Variants in FSTL5 observed in about 807,000 individuals in gnomAD.
The protein encoded by FSTL5 is follistatin like 5.
Under a neutral mutation model 89.1 loss-of-function variants are expected in FSTL5, and 62 were observed. The ratio of observed to expected loss-of-function variants is 0.70; its 90% CI spans 0.57 to 0.86. The LOEUF (loss-of-function observed/expected upper bound fraction) is 0.86, where lower values mean the gene tolerates loss of function less well. FSTL5 is among the 40% of genes least tolerant of loss of function. The pLI, the probability that FSTL5 is intolerant of heterozygous loss-of-function variation, is 0.00. For synonymous variants in FSTL5, 383 were observed against 346.2 expected (o/e 1.11, Z -1.18); for missense variants, 1,057 against 1,001.6 (o/e 1.06, Z -0.75).
intron 3 of FSTL5, among the ~76,000 whole-genome samples, chr4:161,930,331 C>G (rs1180739651): frequency 6.6e-6 from 1 of 151,752 alleles, no homozygotes; most frequent in Non-Finnish European, 1.5e-5. Flanking sequence ...GTTTTCTTCC[C>G]CAAACCCCTC....
At chr4:161,575,292 G>A (rs1733169909) in intron 8 of FSTL5, among the ~76,000 whole-genome samples, 1 of 152,038 alleles carries the variant, frequency 6.6e-6, no homozygotes, top group African/African-American at 2.4e-5. Context: ...CCATTCTGTA[G>A]GTTGCCTGTT....
At chr4:161,850,487 T>G (rs1048401110) in intron 4 of FSTL5, among the ~76,000 whole-genome samples, 1 of 151,588 alleles carries the variant, frequency 6.6e-6, no homozygotes. Flanking sequence ...CTTGTGCATG[T>G]GCAGGTGTGC....
At chr4:161,707,654 AT>A (rs1245177821) in intron 6 of FSTL5, among the ~76,000 whole-genome samples, 1 of 151,884 alleles carries the variant, frequency 6.6e-6, no homozygotes, top group South Asian at 2.1e-4. Flanking sequence ...TGCCAAATGT[AT>A]TGATATACAC....
chr4:161,876,773 T>C (rs1732456102), intron 4 of FSTL5, among the ~76,000 whole-genome samples: 1 of 151,954 alleles, frequency 6.6e-6, no homozygotes, highest in Admixed American at 6.6e-5. Context: ...GAGGTTTTAT[T>C]TTATTTAATT....
chr4:161,996,179 T>C (rs1736288622), intron 3 of FSTL5, among the ~76,000 whole-genome samples: 1 of 152,178 alleles, frequency 6.6e-6, no homozygotes, highest in Non-Finnish European at 1.5e-5. Context: ...TTCAAAGACA[T>C]TAAGTAAATT....
intron 12 of FSTL5, among the ~76,000 whole-genome samples, chr4:161,490,033 G>A (rs1729809208): frequency 1.3e-5 from 2 of 151,876 alleles, no homozygotes; most frequent in Non-Finnish European, 2.9e-5. Context: ...CATATAAGTG[G>A]AAAACAGAGA....
chr4:162,022,346 T>C lies in FSTL5; in HGVS notation c.160+11279A>G, dbSNP rs137961102. 3.1e-3 allele frequency among the ~76,000 whole-genome samples: 474 copies of C among 152,012 alleles called. 4 individuals carry two copies. Among genetic ancestry groups the C allele is most frequent in the African/African-American group, 0.011 (451 of 41,506 alleles). On this transcript the variant is annotated intron_variant, in intron 3 of 15. Transcript: ENST00000306100. Reference sequence around the variant, plus strand: ...TGTCATACAATCTATAATATTGCATTTCATATATTAATATTGTATATTAAC... The same window carrying C: ...TGTCATACAATCTATAATATTGCATCTCATATATTAATATTGTATATTAAC...
At chr4:161,458,070 G>A (rs1222350717) in intron 14 of FSTL5, among the ~76,000 whole-genome samples, 1 of 152,118 alleles carries the variant, frequency 6.6e-6, no homozygotes, top group Non-Finnish European at 1.5e-5. Context: ...ACATGCAGGG[G>A]ACACAAGGCA....
At chr4:161,786,200 C>CA (rs1442530192) in intron 4 of FSTL5, among the ~76,000 whole-genome samples, 1 of 151,820 alleles carries the variant, frequency 6.6e-6, no homozygotes, top group African/African-American at 2.4e-5. Flanking sequence ...AACATAATAT[C>CA]AACATTCATA....
chr4:162,075,135 C>T (rs1729785499), intron 2 of FSTL5, among the ~76,000 whole-genome samples: 1 of 151,674 alleles, frequency 6.6e-6, no homozygotes, highest in Admixed American at 6.6e-5. Flanking sequence ...TGCTGAAGCC[C>T]CATGAAGACT....
chr4:161,504,361 C>T (rs906786158), intron 11 of FSTL5, among the ~76,000 whole-genome samples: 1 of 151,898 alleles, frequency 6.6e-6, no homozygotes, highest in Non-Finnish European at 1.5e-5. Context: ...TTACTTCTCT[C>T]TTCATGAATG....
intron 6 of FSTL5, among the ~76,000 whole-genome samples, chr4:161,691,448 G>C (rs1639860162): frequency 6.6e-6 from 1 of 151,950 alleles, no homozygotes; most frequent in African/African-American, 2.4e-5. Context: ...TTGCAGTTTT[G>C]AAATTGAGGC....
chr4:162,081,304 C>T (rs1363840623), intron 2 of FSTL5, among the ~76,000 whole-genome samples: 6 of 151,450 alleles, frequency 4.0e-5, no homozygotes, highest in Admixed American at 1.3e-4. Context: ...CACAGTGAAA[C>T]TAGGCGTTCA....
At chr4:161,550,350 T>C (rs923899946) in intron 8 of FSTL5, among the ~76,000 whole-genome samples, 5 of 151,866 alleles carry the variant, frequency 3.3e-5, no homozygotes, top group Non-Finnish European at 5.9e-5. Flanking sequence ...ACTACTTAAA[T>C]GAATTTTTTT....
intron 8 of FSTL5, among the ~76,000 whole-genome samples, chr4:161,584,114 A>C (rs1350490514): frequency 6.6e-6 from 1 of 152,192 alleles, no homozygotes; most frequent in African/African-American, 2.4e-5. Context: ...GCTTTCCCCA[A>C]CACACCAACT....
At chr4:162,150,261 G>A (rs1733175512) in intron 1 of FSTL5, among the ~76,000 whole-genome samples, 1 of 152,170 alleles carries the variant, frequency 6.6e-6, no homozygotes, top group Admixed American at 6.6e-5. Flanking sequence ...AAGCCACAGA[G>A]TTCTTAATAT....
intron 7 of FSTL5, among the ~76,000 whole-genome samples, chr4:161,621,904 A>G (rs1306521261): frequency 1.3e-5 from 2 of 151,690 alleles, no homozygotes; most frequent in Non-Finnish European, 2.9e-5. Context: ...AGGCTGAGTC[A>G]GGAGGATCCT....
chr4:161,705,969 T>C lies in FSTL5; in HGVS notation c.728-49475A>G, dbSNP rs1410763996. ...AGATGTGTGTATATATATATATATA[T>C]ATATATATATATATATATATATATA... On this transcript the variant is annotated intron_variant, in intron 6 of 15. Coordinates refer to ENST00000306100, the MANE Select transcript of FSTL5 (RefSeq NM_020116.5). Among the ~76,000 whole-genome samples the C allele has an allele frequency of 2.7e-5, 2 of 72,994 alleles. 1 individual carries two copies. The highest frequency in any genetic ancestry group is 5.1e-5 in the Non-Finnish European group (2 of 39,310). 47.9% of individuals were successfully genotyped at this position (72,994 alleles called of 152,430 possible).
intron 2 of FSTL5, among the ~76,000 whole-genome samples, chr4:162,105,993 C>T (rs916954792): frequency 1.3e-5 from 2 of 152,096 alleles, no homozygotes; most frequent in African/African-American, 4.8e-5. Context: ...TTGTCTCTTT[C>T]CCTAGAGTTC....
Sources: gnomAD v4.1 joint callset for allele counts (sites outside exome capture counted in the v4.1 genomes callset) on GRCh38, gnomAD v4.1.1 for gene constraint, MANE v1.5 for transcripts, NCBI Gene and HGNC (gene_info 2026-07-23, HGNC 2026-07-21) for gene names.